The following HM13 variants were observed in gnomAD, a reference collection of about 807,000 sequenced individuals.
HM13 encodes the protein signal peptide peptidase.
In HM13, 18 loss-of-function variants were observed where a neutral mutation model predicts 50.0. The ratio of observed to expected loss-of-function variants is 0.36; its 90% CI spans 0.25 to 0.53. The LOEUF (loss-of-function observed/expected upper bound fraction) is 0.53. HM13 is among the 20% of genes least tolerant of loss of function. The probability of loss-of-function intolerance (pLI) is 0.90; values close to 1 mark genes in which losing one functional copy is unlikely to be tolerated. For synonymous variants in HM13, 197 were observed against 232.6 expected (o/e 0.85, Z 1.39); for missense variants, 393 against 552.4 (o/e 0.71, Z 2.89).
chr20:31,565,512 C>G (rs1984860776), intron 10 of HM13, among the ~76,000 whole-genome samples: 1 of 151,144 alleles, frequency 6.6e-6, no homozygotes, highest in African/African-American at 2.4e-5. Flanking sequence ...ATTTGGGTCT[C>G]TGAGTCCTGG....
At chr20:31,550,254 G>A (rs1446818794) in intron 7 of HM13, 133 bp downstream of exon 7, 2 of 712,450 alleles carry the variant, frequency 2.8e-6, no homozygotes, top group African/African-American at 1.7e-5. Flanking sequence ...CCCCAGCCTG[G>A]TTTCCTTATC....
rs113329315 is a variant in HM13, at chr20:31,552,871, G to A, written c.725-1875G>A. Among the ~76,000 whole-genome samples the A allele has an allele frequency of 7.9e-5, 12 of 152,322 alleles. 1 individual carries two copies. Among genetic ancestry groups the A allele is most frequent in the African/African-American group, 2.9e-4 (12 of 41,580 alleles). On this transcript the variant is annotated intron_variant, in intron 7 of 12. Transcript: ENST00000398174. Reference sequence around the variant, plus strand: ...AAGCACAAGCTTATTCAGAATCCCTGTGCACGCACCTCTGTGTACCTGTTG... The same window carrying A: ...AAGCACAAGCTTATTCAGAATCCCTATGCACGCACCTCTGTGTACCTGTTG...
chr20:31,544,146 G>A (rs1983592689), intron 3 of HM13, among the ~76,000 whole-genome samples: 1 of 152,202 alleles, frequency 6.6e-6, no homozygotes, highest in East Asian at 1.9e-4. Flanking sequence ...CACTGAAATG[G>A]CTCTCCCACA....
chr20:31,568,423 CCCTCACCAGTA>C, intron 12 of HM13, 199 bp downstream of exon 12: 1 of 698,144 alleles, frequency 1.4e-6, no homozygotes. Context: ...AAGCTTCCTG[CCCTCACCAGTA>C]ATGCGGGGCC....
At chr20:31,556,894 G>A (rs540886771) in intron 8 of HM13, among the ~76,000 whole-genome samples, 30 of 151,574 alleles carry the variant, frequency 2.0e-4, no homozygotes, top group Admixed American at 3.3e-4. Flanking sequence ...TGGCGGGCGC[G>A]TGTAGTCCCA....
chr20:31,553,478 A>G (rs1019449959), intron 7 of HM13, among the ~76,000 whole-genome samples: 4 of 152,118 alleles, frequency 2.6e-5, no homozygotes, highest in Non-Finnish European at 5.9e-5. Flanking sequence ...AACTGTGTAC[A>G]AATCATCTAA....
chr20:31,556,352 T>G (rs903113949), intron 8 of HM13, among the ~76,000 whole-genome samples: 1 of 152,172 alleles, frequency 6.6e-6, no homozygotes, highest in Non-Finnish European at 1.5e-5. Flanking sequence ...CCCGTCTATA[T>G]TTTTTAAAAG....
At chr20:31,528,505 G>A (rs1256093433) in intron 2 of HM13, among the ~76,000 whole-genome samples, 3 of 152,114 alleles carry the variant, frequency 2.0e-5, no homozygotes, top group African/African-American at 7.2e-5. Context: ...TTGAGACGGA[G>A]TCTCGCTCTG....
intron 2 of HM13, among the ~76,000 whole-genome samples, chr20:31,533,551 C>T (rs1292998289): frequency 1.3e-5 from 2 of 152,200 alleles, no homozygotes; most frequent in African/African-American, 2.4e-5. Flanking sequence ...GATGCCTCAA[C>T]ATCCCACAAA....
In HM13 at chr20:31,544,691, A is replaced by T. The variant is rs535659012; in HGVS notation, c.366-256A>T. Among the ~76,000 whole-genome samples the T allele has an allele frequency of 3.3e-5, 5 of 152,352 alleles. No homozygotes were observed. In the South Asian group the frequency reaches 1.0e-3, roughly 32 times the overall value. On this transcript the variant is annotated intron_variant, in intron 3 of 12. Coordinates refer to ENST00000398174, the MANE Select transcript of HM13 (RefSeq NM_178581.3). ...TGCTTTGCATTTCTTTGATGTTAAC[A>T]AAAAGGCAGTAGAGAAATCACTATG...
At chr20:31,541,772 G>T (rs958775542) in intron 3 of HM13, 1 of 152,210 alleles carries the variant, frequency 6.6e-6, no homozygotes, top group African/African-American at 2.4e-5. Context: ...AAAGTCTACA[G>T]TGTTGTTAGA....
chr20:31,549,555 C>T (rs1600653821), intron 6 of HM13, among the ~76,000 whole-genome samples: 1 of 151,866 alleles, frequency 6.6e-6, no homozygotes, highest in African/African-American at 2.4e-5. Flanking sequence ...TGCCTTCCGA[C>T]CACCTGCCTC....
intron 7 of HM13, among the ~76,000 whole-genome samples, chr20:31,551,646 CAAGGAAGA>C (rs1472409028): frequency 1.3e-5 from 2 of 152,138 alleles, no homozygotes; most frequent in African/African-American, 4.8e-5. Context: ...GGCATGCTAG[CAAGGAAGA>C]GAGGAAGATG....
chr20:31,520,922 C>T (rs1982116696), intron 1 of HM13, among the ~76,000 whole-genome samples: 1 of 152,184 alleles, frequency 6.6e-6, no homozygotes, highest in African/African-American at 2.4e-5. Context: ...GAGCTTGAAC[C>T]GTGCCAATGG....
chr20:31,523,332 G>T (rs1202787250), intron 1 of HM13, among the ~76,000 whole-genome samples: 1 of 146,154 alleles, frequency 6.8e-6, no homozygotes, highest in Non-Finnish European at 1.5e-5. Flanking sequence ...GCTCAGTCTC[G>T]GCTCACTGCA....
chr20:31,549,022 T>A lies in HM13; in HGVS notation c.455-7T>A. On this transcript the variant is annotated splice_polypyrimidine_tract_variant and splice_region_variant and intron_variant, in intron 4 of 12. Coordinates refer to ENST00000398174, the MANE Select transcript of HM13 (RefSeq NM_178581.3). ...AGGGAGTGGACTTACCTGGCCTCTC[T>A]GCTCAGAGATCATCAATTATGAATT... is the stretch of plus-strand genomic sequence containing the variant. 1.2e-6 allele frequency: 2 copies of A among 1,614,092 alleles called. No individual in the cohort carries two copies. Among genetic ancestry groups the A allele is most frequent in the Non-Finnish European group, 1.7e-6 (2 of 1,179,920 alleles).
At chr20:31,566,806 A>G (rs997478712) in intron 11 of HM13, among the ~76,000 whole-genome samples, 1 of 151,740 alleles carries the variant, frequency 6.6e-6, no homozygotes, top group African/African-American at 2.4e-5. Context: ...TGTATCTCAC[A>G]CAGATACCCC....
At chr20:31,551,078 T>TA (rs1984013218) in intron 7 of HM13, among the ~76,000 whole-genome samples, 2 of 152,248 alleles carry the variant, frequency 1.3e-5, no homozygotes, top group Non-Finnish European at 2.9e-5. Context: ...ACTTAGGTTT[T>TA]ATCCCCAAAA....
chr20:31,547,472 T>C, intron 4 of HM13: 1 of 614,288 alleles, frequency 1.6e-6, no homozygotes, highest in South Asian at 2.1e-5. Context: ...ATTCCGTTTG[T>C]TTCCCTGTTG....
Sources: gnomAD v4.1 joint callset for allele counts (sites outside exome capture counted in the v4.1 genomes callset) on GRCh38, gnomAD v4.1.1 for gene constraint, MANE v1.5 for transcripts, NCBI Gene and HGNC (gene_info 2026-07-23, HGNC 2026-07-21) for gene names.